Variants in MACIR observed in about 807,000 individuals in gnomAD.
MACIR encodes the protein UNC119-binding protein C5orf30.
Under a neutral mutation model 14.3 loss-of-function variants are expected in MACIR, and 4 were observed. The observed-to-expected ratio is 0.28, with a 90% CI of 0.14 to 0.64. The LOEUF is 0.64. MACIR is among the 30% of genes least tolerant of loss of function. MACIR has a pLI of 0.83. For synonymous variants in MACIR, 101 were observed against 102.4 expected (o/e 0.99, Z 0.08); for missense variants, 228 against 257.6 (o/e 0.89, Z 0.79).
chr5:103,262,630 G>A (rs1554236399), intron 1 of MACIR, among the ~76,000 whole-genome samples: 1 of 152,184 alleles, frequency 6.6e-6, no homozygotes, highest in African/African-American at 2.4e-5. Context: ...GAAATGTTGG[G>A]TGTCTTTTGC....
intron 2 of MACIR, among the ~76,000 whole-genome samples, chr5:103,268,987 A>G (rs868931590): frequency 7.4e-4 from 112 of 152,224 alleles, no homozygotes; most frequent in Middle Eastern, 3.4e-3. Flanking sequence ...TGGGACATTA[A>G]GGAGGGAGGA....
intron 1 of MACIR, among the ~76,000 whole-genome samples, chr5:103,261,460 C>T (rs1166807915): frequency 3.3e-5 from 5 of 152,084 alleles, no homozygotes; most frequent in African/African-American, 1.2e-4. Context: ...AGTTAGTATT[C>T]CTCCAGAGAT....
chr5:103,266,405 A>G (rs1342425765), intron 2 of MACIR, among the ~76,000 whole-genome samples: 2 of 152,190 alleles, frequency 1.3e-5, no homozygotes, highest in East Asian at 1.9e-4. Context: ...TATCATACAT[A>G]AAGAATGAGC....
intron 2 of MACIR, among the ~76,000 whole-genome samples, chr5:103,267,114 A>T (rs1804952947): frequency 6.6e-6 from 1 of 152,126 alleles, no homozygotes; most frequent in African/African-American, 2.4e-5. Context: ...CTATCCATCT[A>T]TCTCTGTATA....
chr5:103,259,559 C>T (rs1554236010), intron 1 of MACIR: 1 of 152,188 alleles, frequency 6.6e-6, no homozygotes, highest in African/African-American at 2.4e-5. Context: ...CAGATAGCAC[C>T]TCAGGGCGAG....
At chr5:103,258,929 A>T (rs1580556652) in intron 1 of MACIR, 33 bp downstream of exon 1, 1 of 152,396 alleles carries the variant, frequency 6.6e-6, no homozygotes, top group East Asian at 1.9e-4. Flanking sequence ...CTCCGTCTGT[A>T]ACCTTTTGTG....
chr5:103,270,971 GA>G (rs1256242965), intron 2 of MACIR, among the ~76,000 whole-genome samples: 7 of 151,978 alleles, frequency 4.6e-5, no homozygotes, highest in Non-Finnish European at 8.8e-5. Context: ...CTGTAATAGA[GA>G]AAAATAAAGG....
At chr5:103,273,178 T>C (rs1298413489) in intron 2 of MACIR, among the ~76,000 whole-genome samples, 3 of 152,218 alleles carry the variant, frequency 2.0e-5, no homozygotes, top group African/African-American at 7.2e-5. Flanking sequence ...GAATGTTTTG[T>C]CTACCTCAGT....
chr5:103,259,085 A>T (rs1463172193), intron 1 of MACIR, 189 bp downstream of exon 1: 1 of 151,930 alleles, frequency 6.6e-6, no homozygotes, highest in Non-Finnish European at 1.5e-5. Context: ...GGTGCTGGGG[A>T]AACCCGGCCG....
intron 2 of MACIR, among the ~76,000 whole-genome samples, chr5:103,269,232 A>C (rs187579): frequency 0.25 from 37,764 of 151,844 alleles, 5,162 homozygotes; most frequent in Non-Finnish European, 0.32. Context: ...AACAAACAAA[A>C]AACACAAAAA....
chr5:103,268,264 C>G (rs540201186), intron 2 of MACIR, among the ~76,000 whole-genome samples: 2 of 152,280 alleles, frequency 1.3e-5, no homozygotes, highest in African/African-American at 4.8e-5. Flanking sequence ...CCAAACTGTT[C>G]TCTAACGTAG....
chr5:103,264,052 T>G (rs1469476092), intron 1 of MACIR, among the ~76,000 whole-genome samples: 1 of 152,132 alleles, frequency 6.6e-6, no homozygotes, highest in Non-Finnish European at 1.5e-5. Flanking sequence ...CAATAAAGCT[T>G]TTAGATAAAG....
At chr5:103,269,998 A>G (rs1208219778) in intron 2 of MACIR, among the ~76,000 whole-genome samples, 3 of 152,194 alleles carry the variant, frequency 2.0e-5, no homozygotes, top group Non-Finnish European at 4.4e-5. Flanking sequence ...TTGAGGTCAA[A>G]GAATGGCAGT....
intron 2 of MACIR, among the ~76,000 whole-genome samples, chr5:103,269,502 A>AT (rs1239136413): frequency 1.3e-5 from 2 of 151,994 alleles, no homozygotes; most frequent in African/African-American, 4.8e-5. Context: ...CTGGGAGTGA[A>AT]TTTTTTTTAT....
At chr5:103,258,698 A>AAGAGGC (rs1804545078), upstream of MACIR, 1 of 153,040 alleles carries the variant, frequency 6.5e-6, no homozygotes, top group African/African-American at 2.4e-5. Flanking sequence ...GAGGAGGCGG[A>AAGAGGC]GGAGGAGGCG....
At chr5:103,264,649 G>A (rs1255573573) in intron 1 of MACIR, among the ~76,000 whole-genome samples, 1 of 152,074 alleles carries the variant, frequency 6.6e-6, no homozygotes, top group Non-Finnish European at 1.5e-5. Context: ...ATACATGAAA[G>A]GGAGTGTTTC....
intron 1 of MACIR, among the ~76,000 whole-genome samples, chr5:103,263,378 C>T (rs1580566223): frequency 6.6e-6 from 1 of 152,046 alleles, no homozygotes; most frequent in African/African-American, 2.4e-5. Flanking sequence ...CTATTTTTGG[C>T]TTGGCACTGG....
intron 1 of MACIR, among the ~76,000 whole-genome samples, chr5:103,265,419 G>T (rs1554236670): frequency 2.0e-5 from 3 of 152,152 alleles, no homozygotes; most frequent in South Asian, 2.1e-4. Context: ...CTGTATTAGG[G>T]AGGAAGGGGG....
In MACIR at chr5:103,276,066, A is replaced by G. The variant is rs781969121; in HGVS notation, c.147A>G (p.Ser49=). 1 of 1,614,088 alleles carries G rather than the reference A, an allele frequency of 6.2e-7. No individual in the cohort carries two copies. Among genetic ancestry groups the G allele is most frequent in the South Asian group, 1.1e-5 (1 of 91,084 alleles). The change falls in exon 3 of 3, where the codon TCA becomes TCG. Residue 49 remains serine (S), a synonymous_variant. Coordinates refer to ENST00000319933, the MANE Select transcript of MACIR (RefSeq NM_033211.4). ...TPCSPMRRTV[S]GYQILHMDSN... is the part of the protein sequence containing the mutation. Reference sequence around the variant, plus strand: ...GCTCCCCGATGCGGAGGACCGTGTCAGGCTACCAGATCCTACACATGGACT... The same window carrying G: ...GCTCCCCGATGCGGAGGACCGTGTCGGGCTACCAGATCCTACACATGGACT...
Sources: gnomAD v4.1 joint callset for allele counts (sites outside exome capture counted in the v4.1 genomes callset) on GRCh38, gnomAD v4.1.1 for gene constraint, MANE v1.5 for transcripts, NCBI Gene and HGNC (gene_info 2026-07-23, HGNC 2026-07-21) for gene names.